The following MTA3 variants were observed in gnomAD, a reference collection of about 807,000 sequenced individuals.
MTA3 encodes the protein metastasis-associated protein MTA3.
MTA3 carries 34 observed loss-of-function variants against 83.5 expected under a neutral mutation model. The ratio of observed to expected loss-of-function variants is 0.41; its 90% CI spans 0.31 to 0.54. The LOEUF is 0.54. MTA3 is among the 20% of genes least tolerant of loss of function. MTA3 has a pLI of 0.33. For synonymous variants in MTA3, 303 were observed against 252.7 expected, an observed-to-expected ratio of 1.20 and a Z score of -1.89; for missense variants, 761 against 726.4, an observed-to-expected ratio of 1.05 and a Z score of -0.55.
chr2:42,617,503 GTAT>G (rs1317197813), intron 4 of MTA3, among the ~76,000 whole-genome samples: 1 of 152,082 alleles, frequency 6.6e-6, no homozygotes, highest in Non-Finnish European at 1.5e-5. Context: ...ATGGGAAAAG[GTAT>G]TATTTTAAAA....
At position 42,753,466 on chromosome 2, in the gene MTA3, C is replaced by A. The variant is rs1670031775; in HGVS notation, c.*67C>A. The stretch of plus-strand genomic sequence containing the variant: ...GTCCTGCTGATGTTCACAGCCGTGC[C>A]TGGGAAGAAGGCAGCCCCACTCCCA... On this transcript the variant is annotated 3_prime_UTR_variant, in exon 17 of 17. Coordinates refer to ENST00000405094, the MANE Select transcript of MTA3 (RefSeq NM_001330442.2). 2 of 1,549,450 alleles carry A rather than the reference C, an allele frequency of 1.3e-6. No homozygotes were observed. The highest frequency in any genetic ancestry group is 3.9e-5 in the Admixed American group (2 of 50,930).
chr2:42,617,699 C>T (rs1685067164), intron 4 of MTA3, among the ~76,000 whole-genome samples: 2 of 151,870 alleles, frequency 1.3e-5, no homozygotes, highest in Admixed American at 1.3e-4. Flanking sequence ...TCACTTGAAC[C>T]CGGGAGGCGG....
At chr2:42,549,934 G>C (rs1040710018) in intron 2 of MTA3, among the ~76,000 whole-genome samples, 4 of 151,302 alleles carry the variant, frequency 2.6e-5, no homozygotes, top group Admixed American at 1.3e-4. Context: ...TAGTCACTTA[G>C]TAGCCTTCTT....
intron 2 of MTA3, among the ~76,000 whole-genome samples, chr2:42,556,092 C>CA (rs112915635): frequency 0.03 from 4,009 of 134,546 alleles, 70 homozygotes; most frequent in Non-Finnish European, 0.045. Context: ...AGCAAACAAA[C>CA]AAAAAAAAAA....
chr2:42,639,930 T>G (rs1445506628), intron 4 of MTA3, among the ~76,000 whole-genome samples: 1 of 152,238 alleles, frequency 6.6e-6, no homozygotes. Flanking sequence ...TATTAGGATT[T>G]ATTGCCTAAC....
intron 8 of MTA3, among the ~76,000 whole-genome samples, chr2:42,664,553 A>C (rs1381054599): frequency 1.4e-5 from 2 of 142,232 alleles, no homozygotes; most frequent in Non-Finnish European, 3.0e-5. Flanking sequence ...GGCTCACTGC[A>C]ACCTCTGCTT....
intron 8 of MTA3, among the ~76,000 whole-genome samples, chr2:42,681,032 G>A (rs1448147589): frequency 6.6e-6 from 1 of 152,186 alleles, no homozygotes; most frequent in African/African-American, 2.4e-5. Context: ...GAGCCACTGT[G>A]TCTGGCCAGA....
rs566785194 is a variant in MTA3, at chr2:42,708,200, G to T, written c.1302+146G>T. The stretch of plus-strand genomic sequence containing the variant: ...CGTAGCACTACAATATTCAGGGTAG[G>T]TGTGGAGAGAAGCAGAGAGAAATTA... On this transcript the variant is annotated intron_variant, in intron 13 of 16. Coordinates refer to ENST00000405094, the MANE Select transcript of MTA3 (RefSeq NM_001330442.2). The T allele has an allele frequency of 7.7e-5, 64 of 828,424 alleles. No homozygotes were observed. The African/African-American group carries it at 1.1e-3, about 14-fold the overall frequency. 51.3% of individuals were successfully genotyped at this position (828,424 alleles called of 1,614,324 possible).
intron 3 of MTA3, among the ~76,000 whole-genome samples, chr2:42,599,934 C>G (rs572000373): frequency 6.6e-6 from 1 of 151,856 alleles, no homozygotes; most frequent in East Asian, 1.9e-4. Context: ...TGGTGGCTCA[C>G]GCTTGTAATC....
At chr2:42,702,572 A>C (rs989861168) in intron 11 of MTA3, 5 of 152,268 alleles carry the variant, frequency 3.3e-5, no homozygotes, top group African/African-American at 1.2e-4. Context: ...AAGACAGCAT[A>C]TAATCTGCAT....
At chr2:42,571,029 A>C (rs548625327) in intron 2 of MTA3, among the ~76,000 whole-genome samples, 2 of 152,050 alleles carry the variant, frequency 1.3e-5, no homozygotes, top group East Asian at 3.9e-4. Context: ...AATAAAAATA[A>C]AAAAATAAAA....
chr2:42,666,512 C>T (rs1342704431), intron 8 of MTA3, among the ~76,000 whole-genome samples: 1 of 152,136 alleles, frequency 6.6e-6, no homozygotes, highest in Non-Finnish European at 1.5e-5. Flanking sequence ...TGTGTCTTGC[C>T]ACAGGACTTG....
chr2:42,711,975 C>A (rs1666660271), intron 14 of MTA3, among the ~76,000 whole-genome samples: 1 of 152,088 alleles, frequency 6.6e-6, no homozygotes, highest in Non-Finnish European at 1.5e-5. Flanking sequence ...CTAATTAATG[C>A]ATTTTAGAAT....
At chr2:42,595,518 T>C (rs1044079667) in intron 3 of MTA3, among the ~76,000 whole-genome samples, 30 of 152,240 alleles carry the variant, frequency 2.0e-4, no homozygotes, top group African/African-American at 7.0e-4. Flanking sequence ...AGGGGGAAAA[T>C]AATAAAAGAA....
chr2:42,644,073 T>G, intron 5 of MTA3, 54 bp from the exon 6 acceptor site: 1 of 1,085,064 alleles, frequency 9.2e-7, no homozygotes, highest in Non-Finnish European at 1.3e-6. Context: ...TTTTAATGCT[T>G]TATAAGAAGT....
chr2:42,521,613 A>G (rs1675433129), intron 2 of MTA3, among the ~76,000 whole-genome samples: 1 of 152,158 alleles, frequency 6.6e-6, no homozygotes, highest in Non-Finnish European at 1.5e-5. Flanking sequence ...GACCCGGGGC[A>G]CACAGAAAGG....
rs1226669477 is a variant in MTA3, at chr2:42,609,476, C to G, written c.209C>G (p.Ser70Cys). The G allele has an allele frequency of 6.2e-7, 1 of 1,613,524 alleles. No individual in the cohort carries two copies. The highest frequency in any genetic ancestry group is 1.3e-5 in the African/African-American group (1 of 74,884). Residue 70 changes from serine (S) to cysteine (C), a missense_variant, in exon 4 of 17, where the codon TCT (serine) becomes TGT (cysteine). Transcript: ENST00000405094. Reference sequence around the variant, plus strand: ...TGTGTAGAAGAAATTGAGGAAGAATCTGAAACAACAGTTGAGGCTGACTTG... The same window carrying G: ...TGTGTAGAAGAAATTGAGGAAGAATGTGAAACAACAGTTGAGGCTGACTTG... ...DKHAKEIEEE[S>C]ETTVEADLTD...
chr2:42,721,248 A>G (rs925182755), intron 15 of MTA3, among the ~76,000 whole-genome samples: 1 of 152,020 alleles, frequency 6.6e-6, no homozygotes, highest in Admixed American at 6.6e-5. Context: ...CAATAAAACA[A>G]AGGATTAGAT....
At position 42,695,857 on chromosome 2, in the gene MTA3, G is replaced by A; in HGVS notation, c.966+18G>A. Reference sequence around the variant, plus strand: ...TGCAACAGGTAATTTTTTTCATATTGCTACCAATATGGTTGCATTTAAGTG... The same window carrying A: ...TGCAACAGGTAATTTTTTTCATATTACTACCAATATGGTTGCATTTAAGTG... On this transcript the variant is annotated intron_variant, in intron 10 of 16. Coordinates refer to ENST00000405094, the MANE Select transcript of MTA3 (RefSeq NM_001330442.2). 6.8e-7 allele frequency: 1 copy of A among 1,476,086 alleles called. No homozygotes were observed. Among genetic ancestry groups the A allele is most frequent in the Non-Finnish European group, 9.2e-7 (1 of 1,084,042 alleles). The allele number at this position is 1,476,086 out of a possible 1,614,324, so 91.4% of individuals were successfully genotyped here. A position where few individuals can be genotyped will look rare whatever the true frequency, so the allele number is the denominator to read the frequency against.
Sources: gnomAD v4.1 joint callset for allele counts (sites outside exome capture counted in the v4.1 genomes callset) on GRCh38, gnomAD v4.1.1 for gene constraint, MANE v1.5 for transcripts, NCBI Gene and HGNC (gene_info 2026-07-23, HGNC 2026-07-21) for gene names.